Variants in STK32B observed in about 807,000 individuals in gnomAD.
STK32B encodes the protein serine/threonine kinase 32B, also known as serine/threonine-protein kinase 32B.
STK32B carries 43 observed loss-of-function variants against 52.6 expected under a neutral mutation model. The observed-to-expected ratio is 0.82, with a 90% CI of 0.64 to 1.05. STK32B has a LOEUF of 1.05. Ranked by LOEUF, STK32B falls within the 50% of genes least tolerant of loss-of-function variation. The probability of loss-of-function intolerance (pLI) is 0.00; values close to 1 mark genes in which losing one functional copy is unlikely to be tolerated. For missense variants in STK32B, 621 were observed against 534.6 expected (o/e 1.16, Z -1.59); for synonymous variants, 238 against 204.3 (o/e 1.17, Z -1.41).
intron 9 of STK32B, among the ~76,000 whole-genome samples, chr4:5,462,987 G>T (rs967235496): frequency 6.6e-6 from 1 of 152,152 alleles, no homozygotes; most frequent in Admixed American, 6.5e-5. Flanking sequence ...TAAAGGTTTG[G>T]GTCTCTTCTG....
At chr4:5,150,070 T>G (rs1717220836) in intron 2 of STK32B, among the ~76,000 whole-genome samples, 1 of 152,088 alleles carries the variant, frequency 6.6e-6, no homozygotes. Flanking sequence ...TTTCAGAATT[T>G]CTGATGAGAA....
At chr4:5,122,297 T>TTTAC (rs1715080010) in intron 1 of STK32B, among the ~76,000 whole-genome samples, 1 of 151,890 alleles carries the variant, frequency 6.6e-6, no homozygotes, top group African/African-American at 2.4e-5. Flanking sequence ...CACTCACCCA[T>TTTAC]TCATGCATTA....
intron 2 of STK32B, among the ~76,000 whole-genome samples, chr4:5,159,046 G>A (rs1718099205): frequency 6.6e-6 from 1 of 152,124 alleles, no homozygotes; most frequent in Non-Finnish European, 1.5e-5. Context: ...GCTGTACAAT[G>A]TTGCAAGTGA....
intron 3 of STK32B, among the ~76,000 whole-genome samples, chr4:5,285,981 A>G (rs1645665728): frequency 6.6e-6 from 1 of 152,160 alleles, no homozygotes; most frequent in Admixed American, 6.5e-5. Flanking sequence ...TGATATCCAT[A>G]TAGAAAGAGG....
Position 5,378,652 on chromosome 4 carries a change from A to G in STK32B, c.435-19555A>G, listed in dbSNP as rs1291351810. 6.6e-6 allele frequency among the ~76,000 whole-genome samples: 1 copy of G among 152,116 alleles called. No homozygotes were observed. The highest frequency in any genetic ancestry group is 1.9e-4 in the East Asian group (1 of 5,186). ...TAGTAGGTGTGTATATGTATGGGGTACATGAGATGTTTTGATACAGACATG... is the reference window on the plus strand; with the variant it reads ...TAGTAGGTGTGTATATGTATGGGGTGCATGAGATGTTTTGATACAGACATG... On this transcript the variant is annotated intron_variant, in intron 4 of 11. Coordinates refer to ENST00000282908, the MANE Select transcript of STK32B (RefSeq NM_018401.3). This position sits in a 1 kb window ranked among gnomAD's most constrained non-coding sequence, Gnocchi z 4.4.
chr4:5,131,894 G>C (rs759436604), intron 1 of STK32B, among the ~76,000 whole-genome samples: 6 of 152,134 alleles, frequency 3.9e-5, no homozygotes, highest in Non-Finnish European at 7.3e-5. Context: ...CTTAAATGTT[G>C]GAATCTGTAT....
rs1448121833 is a variant in STK32B at position 5,399,845 on chromosome 4, C to T, written c.472+1601C>T. On this transcript the variant is annotated intron_variant, in intron 5 of 11. Transcript: ENST00000282908. This position sits in a 1 kb window ranked among gnomAD's most constrained non-coding sequence, Gnocchi z 5.4. ...CGGGAAGGGGTAGATAACTCGCCCT[C>T]TTCCTGTCCCCTTTCTCTGCTCAGG... Among the ~76,000 whole-genome samples, 4 of 152,194 alleles carry T rather than the reference C, an allele frequency of 2.6e-5. No homozygotes were observed. Among genetic ancestry groups the T allele is most frequent in the Admixed American group, 2.6e-4 (4 of 15,286 alleles).
At chr4:5,456,711 G>C in intron 7 of STK32B, 96 bp from the exon 8 acceptor site, 1 of 1,145,934 alleles carries the variant, frequency 8.7e-7, no homozygotes, top group Non-Finnish European at 1.2e-6. Context: ...TGAAGAGGAA[G>C]AATAAACCAT....
intron 6 of STK32B, among the ~76,000 whole-genome samples, chr4:5,418,000 G>C (rs1712303153): frequency 6.6e-6 from 1 of 152,208 alleles, no homozygotes; most frequent in African/African-American, 2.4e-5. Flanking sequence ...GGTAGAGCCA[G>C]TTCTCCCATG....
At chr4:5,148,416 C>T (rs1183986529) in intron 2 of STK32B, among the ~76,000 whole-genome samples, 2 of 151,576 alleles carry the variant, frequency 1.3e-5, no homozygotes. Flanking sequence ...AGTTACACCC[C>T]CAAAATTTGA....
chr4:5,474,167 C>A (rs1718054230), intron 11 of STK32B, among the ~76,000 whole-genome samples: 1 of 152,154 alleles, frequency 6.6e-6, no homozygotes, highest in Non-Finnish European at 1.5e-5. Context: ...TAGGTGGCCT[C>A]CCTGGAGAAC....
chr4:5,270,772 C>G (rs938686734), intron 3 of STK32B, among the ~76,000 whole-genome samples: 1 of 152,068 alleles, frequency 6.6e-6, no homozygotes, highest in Non-Finnish European at 1.5e-5. Context: ...TATTTGCTGG[C>G]AGATGATATG....
At chr4:5,352,283 G>A (rs62297280) in intron 4 of STK32B, among the ~76,000 whole-genome samples, 6,814 of 152,132 alleles carry the variant, frequency 0.045, 426 homozygotes, top group Admixed American at 0.18. Context: ...CACAAGGATG[G>A]TTCAACATAT....
intron 3 of STK32B, among the ~76,000 whole-genome samples, chr4:5,256,638 G>T (rs1179631772): frequency 6.6e-6 from 1 of 152,180 alleles, no homozygotes; most frequent in Non-Finnish European, 1.5e-5. Flanking sequence ...TAGCCTTAAG[G>T]CCTGAGTCAG....
At chr4:5,463,973 C>T (rs760460765) in intron 9 of STK32B, among the ~76,000 whole-genome samples, 4 of 152,230 alleles carry the variant, frequency 2.6e-5, no homozygotes, top group Non-Finnish European at 5.9e-5. Flanking sequence ...AACTGGCTTA[C>T]AGTCCTGCGG....
chr4:5,445,707 A>G (rs1281529430), intron 6 of STK32B, among the ~76,000 whole-genome samples: 4 of 152,194 alleles, frequency 2.6e-5, no homozygotes, highest in African/African-American at 9.7e-5. Context: ...TGAACAATTC[A>G]GTAGCATTCA....
chr4:5,277,694 T>C (rs1727919985), intron 3 of STK32B, among the ~76,000 whole-genome samples: 1 of 152,246 alleles, frequency 6.6e-6, no homozygotes, highest in African/African-American at 2.4e-5. Context: ...AGTTCATCTT[T>C]GTATGGTTTT....
intron 3 of STK32B, among the ~76,000 whole-genome samples, chr4:5,243,697 A>G (rs1725216057): frequency 6.6e-6 from 1 of 152,182 alleles, no homozygotes; most frequent in South Asian, 2.1e-4. Flanking sequence ...TCCATTCAGT[A>G]TGATATTGCC....
rs1235181297 is a variant in STK32B at position 5,500,047 on chromosome 4, G to A, written c.*964G>A. On this transcript the variant is annotated 3_prime_UTR_variant, in exon 12 of 12. Coordinates refer to ENST00000282908, the MANE Select transcript of STK32B (RefSeq NM_018401.3). ...CCTATTTATACAATAGGAAGCATGG[G>A]TGCTTAGAAAGTTTATTTCAGGAGG... 1 of 152,212 alleles carries A rather than the reference G, an allele frequency of 6.6e-6. No individual in the cohort carries two copies. Among genetic ancestry groups the A allele is most frequent in the Non-Finnish European group, 1.5e-5 (1 of 68,054 alleles). 9.4% of individuals were successfully genotyped at this position (152,212 alleles called of 1,614,324 possible). A position where few individuals can be genotyped will look rare whatever the true frequency, so the allele number is the denominator to read the frequency against.
Sources: gnomAD v4.1 joint callset for allele counts (sites outside exome capture counted in the v4.1 genomes callset) on GRCh38, gnomAD v4.1.1 for gene constraint, Gnocchi (gnomAD v3.1) non-coding constraint, MANE v1.5 for transcripts, NCBI Gene and HGNC (gene_info 2026-07-23, HGNC 2026-07-21) for gene names.